Variants in AGBL4 observed in about 807,000 individuals in gnomAD.
AGBL4 encodes the protein AGBL carboxypeptidase 4, also known as cytosolic carboxypeptidase 6.
AGBL4 carries 58 observed loss-of-function variants against 66.4 expected under a neutral mutation model. The observed-to-expected ratio is 0.87, with a 90% CI of 0.71 to 1.09. The LOEUF is 1.09. Among genes scored for constraint, AGBL4 ranks in the 50% least tolerant of loss-of-function variants. The probability of loss-of-function intolerance (pLI) is 0.00; values close to 1 mark genes in which losing one functional copy is unlikely to be tolerated. For missense variants in AGBL4, 579 were observed against 631.0 expected (o/e 0.92, Z 0.88); for synonymous variants, 234 against 222.9 (o/e 1.05, Z -0.44).
chr1:48,779,715 T>C (rs1462734491), intron 6 of AGBL4, among the ~76,000 whole-genome samples: 34 of 96,996 alleles, frequency 3.5e-4, no homozygotes, highest in Admixed American at 1.7e-3. Context: ...TTTTTTTTTT[T>C]TTTTTTTTTT....
chr1:49,928,532 A>G (rs1653021138), intron 1 of AGBL4, among the ~76,000 whole-genome samples: 1 of 152,164 alleles, frequency 6.6e-6, no homozygotes, highest in South Asian at 2.1e-4. Flanking sequence ...TACAGGCGTG[A>G]GCCACCGCAC....
At chr1:49,938,808 A>C (rs1254706401) in intron 1 of AGBL4, among the ~76,000 whole-genome samples, 1 of 152,190 alleles carries the variant, frequency 6.6e-6, no homozygotes. Flanking sequence ...CTTCGTGCTA[A>C]AAACTCTCAA....
chr1:49,209,196 G>A (rs1648479292), intron 4 of AGBL4, among the ~76,000 whole-genome samples: 1 of 152,120 alleles, frequency 6.6e-6, no homozygotes, highest in Non-Finnish European at 1.5e-5. Flanking sequence ...GAAATTAAAT[G>A]TATATCATCT....
At chr1:49,750,451 A>G (rs1651363072) in intron 2 of AGBL4, among the ~76,000 whole-genome samples, 2 of 152,102 alleles carry the variant, frequency 1.3e-5, no homozygotes, top group South Asian at 2.1e-4. Context: ...ATTGGTCTAT[A>G]TATCTGTTTT....
Position 49,284,331 on chromosome 1 carries a change from T to C in AGBL4, c.283-38467A>G, listed in dbSNP as rs531096347. On this transcript the variant is annotated intron_variant, in intron 3 of 13. Coordinates refer to ENST00000371839, the MANE Select transcript of AGBL4 (RefSeq NM_032785.4). ...ACAGACAAGCAAATGCTGAGAGATT[T>C]TGTCACCACCAGGCCTTCCCTAAAA... Among the ~76,000 whole-genome samples, 1,015 of 152,186 alleles carry C rather than the reference T, an allele frequency of 6.7e-3. 8 individuals are homozygous for C. The highest frequency in any genetic ancestry group is 0.01 in the Non-Finnish European group (698 of 68,010).
intron 1 of AGBL4, among the ~76,000 whole-genome samples, chr1:49,892,053 C>G (rs557959124): frequency 1.7e-4 from 26 of 152,272 alleles, no homozygotes; most frequent in African/African-American, 5.3e-4. Flanking sequence ...AGGGACAGAG[C>G]ATGATGGCCA....
At chr1:49,473,799 A>G (rs1646794541) in intron 3 of AGBL4, among the ~76,000 whole-genome samples, 1 of 151,910 alleles carries the variant, frequency 6.6e-6, no homozygotes, top group Non-Finnish European at 1.5e-5. Context: ...TTTTTAGTTA[A>G]TTTTTGTATG....
chr1:49,387,130 A>G (rs903944135), intron 3 of AGBL4, among the ~76,000 whole-genome samples: 2 of 151,922 alleles, frequency 1.3e-5, no homozygotes, highest in African/African-American at 4.8e-5. Context: ...GTGTGACCTT[A>G]GGCAAATAAC....
At chr1:49,463,512 G>C (rs1019054059) in intron 3 of AGBL4, among the ~76,000 whole-genome samples, 1 of 151,680 alleles carries the variant, frequency 6.6e-6, no homozygotes, top group Admixed American at 6.6e-5. Flanking sequence ...ATTACTCATG[G>C]ATCTTCAGAG....
intron 3 of AGBL4, among the ~76,000 whole-genome samples, chr1:49,578,994 C>T (rs1644490907): frequency 6.6e-6 from 1 of 152,122 alleles, no homozygotes; most frequent in Non-Finnish European, 1.5e-5. Context: ...TAATCAGCTG[C>T]CAGCAAATAT....
intron 6 of AGBL4, chr1:48,759,377 A>G (rs1305989989): frequency 4.1e-6 from 6 of 1,473,246 alleles, no homozygotes; most frequent in Non-Finnish European, 4.5e-6. Context: ...CTAAAATCAC[A>G]GAATCACAGA....
chr1:49,476,987 G>T (rs1646859781), intron 3 of AGBL4, among the ~76,000 whole-genome samples: 1 of 152,014 alleles, frequency 6.6e-6, no homozygotes. Flanking sequence ...CTCTGCCTGT[G>T]GAAAGGGGAG....
intron 3 of AGBL4, among the ~76,000 whole-genome samples, chr1:49,606,702 A>C (rs1215240615): frequency 6.6e-6 from 1 of 152,132 alleles, no homozygotes; most frequent in Non-Finnish European, 1.5e-5. Context: ...TCAGGAAACA[A>C]AGATCAGAAA....
intron 5 of AGBL4, among the ~76,000 whole-genome samples, chr1:49,003,971 C>G (rs1430746841): frequency 6.6e-6 from 1 of 152,150 alleles, no homozygotes; most frequent in African/African-American, 2.4e-5. Flanking sequence ...TGGTTTCTTA[C>G]CAAATTTGAT....
intron 9 of AGBL4, among the ~76,000 whole-genome samples, chr1:48,630,188 C>T (rs1645571481): frequency 6.6e-6 from 1 of 152,168 alleles, no homozygotes; most frequent in South Asian, 2.1e-4. Flanking sequence ...TTTTCAAGAT[C>T]ATCATTTAAT....
intron 3 of AGBL4, among the ~76,000 whole-genome samples, chr1:49,258,921 C>T (rs960390229): frequency 2.0e-5 from 3 of 152,034 alleles, no homozygotes; most frequent in African/African-American, 7.2e-5. Context: ...GTCGGGTTAC[C>T]CACAAAGGGA....
At chr1:49,569,103 T>C (rs893298227) in intron 3 of AGBL4, among the ~76,000 whole-genome samples, 5 of 152,154 alleles carry the variant, frequency 3.3e-5, no homozygotes, top group Admixed American at 2.6e-4. Flanking sequence ...CTGGAAGTCA[T>C]TATGATAAGT....
intron 3 of AGBL4, among the ~76,000 whole-genome samples, chr1:49,270,538 T>G (rs1230890119): frequency 6.6e-6 from 1 of 152,152 alleles, no homozygotes. Context: ...GGTCTGTCAC[T>G]GGTGGCTCCT....
At chr1:49,074,586 C>A (rs6665118) in intron 4 of AGBL4, among the ~76,000 whole-genome samples, 1 of 152,022 alleles carries the variant, frequency 6.6e-6, no homozygotes, top group South Asian at 2.1e-4. Context: ...TCTTGTTTAA[C>A]CTTCAGAGTA....
Sources: gnomAD v4.1 joint callset for allele counts (sites outside exome capture counted in the v4.1 genomes callset) on GRCh38, gnomAD v4.1.1 for gene constraint, MANE v1.5 for transcripts, NCBI Gene and HGNC (gene_info 2026-07-23, HGNC 2026-07-21) for gene names.